CSN3: variants seen among roughly 807,000 people sequenced by gnomAD.
The protein encoded by CSN3 is kappa-casein.
Under a neutral mutation model 9.9 loss-of-function variants are expected in CSN3, and 7 were observed. The ratio of observed to expected loss-of-function variants is 0.71; its 90% CI spans 0.40 to 1.33. The LOEUF (loss-of-function observed/expected upper bound fraction) is 1.33, where lower values mean the gene tolerates loss of function less well. Ranked by LOEUF, CSN3 falls within the 40% of genes most tolerant of loss-of-function variation. CSN3 has a pLI of 0.01. For synonymous variants in CSN3, 88 were observed against 82.3 expected (o/e 1.07, Z -0.37); for missense variants, 253 against 227.9 (o/e 1.11, Z -0.71).
intron 1 of CSN3, among the ~76,000 whole-genome samples, chr4:70,243,597 G>A (rs3775749): frequency 0.11 from 17,227 of 151,868 alleles, 1,287 homozygotes; most frequent in East Asian, 0.27. Flanking sequence ...TCTTTTTTGC[G>A]AAGTTCAACT....
At chr4:70,246,959 T>A (rs1354896196) in intron 2 of CSN3, among the ~76,000 whole-genome samples, 1 of 152,058 alleles carries the variant, frequency 6.6e-6, no homozygotes, top group African/African-American at 2.4e-5. Context: ...GGGTGAGACA[T>A]GTGCCCGGCC....
chr4:70,243,681 T>G, intron 1 of CSN3, among the ~76,000 whole-genome samples: 1 of 152,112 alleles, frequency 6.6e-6, no homozygotes, highest in South Asian at 2.1e-4. Flanking sequence ...AATTACTTCC[T>G]AAACATAATA....
At chr4:70,249,591 T>C in intron 4 of CSN3, 98 bp downstream of exon 4, 1 of 774,134 alleles carries the variant, frequency 1.3e-6, no homozygotes, top group Non-Finnish European at 2.0e-6. Context: ...ATAAACTAAG[T>C]GTGTTACAGA....
chr4:70,240,445 T>G (rs1192014657), upstream of CSN3, among the ~76,000 whole-genome samples: 1 of 151,922 alleles, frequency 6.6e-6, no homozygotes, highest in Non-Finnish European at 1.5e-5. Context: ...TGTTGATGGA[T>G]GCATAAGTAG....
chr4:70,244,306 C>A (rs974232521), intron 1 of CSN3, among the ~76,000 whole-genome samples: 3 of 151,962 alleles, frequency 2.0e-5, no homozygotes, highest in African/African-American at 7.2e-5. Context: ...ATGTTCATGG[C>A]GATTCTCAAG....
chr4:70,249,650 A>T (rs1181974093), intron 4 of CSN3, among the ~76,000 whole-genome samples, 157 bp downstream of exon 4: 1 of 152,230 alleles, frequency 6.6e-6, no homozygotes, highest in Non-Finnish European at 1.5e-5. Context: ...AACCCATAGC[A>T]TTGATACACC....
At position 70,249,102 on chromosome 4, in the gene CSN3, A is replaced by G. The variant is rs1418054184; in HGVS notation, c.192A>G (p.Gln64=). Reference sequence around the variant, plus strand: ...CTTATTATGGAACCAATTTGTACCAACGTAGACCAGCTATAGCAATTAATA... The same window carrying G: ...CTTATTATGGAACCAATTTGTACCAGCGTAGACCAGCTATAGCAATTAATA... The change falls in exon 4 of 5, where the codon CAA becomes CAG. Residue 64 remains glutamine (Q), a synonymous_variant. Coordinates refer to ENST00000304954, the Ensembl canonical transcript of CSN3. The G allele has an allele frequency of 6.8e-6, 11 of 1,613,946 alleles. No individual in the cohort carries two copies. The African/African-American group carries it at 1.3e-4, about 20-fold the overall frequency.
At chr4:70,249,636 G>A in intron 4 of CSN3, 143 bp downstream of exon 4, 1 of 592,228 alleles carries the variant, frequency 1.7e-6, no homozygotes, top group Non-Finnish European at 2.9e-6. Context: ...GTTTTACCTT[G>A]GTAAACCCAT....
At chr4:70,247,980 T>C (rs1730413208) in intron 3 of CSN3, 130 bp downstream of exon 3, 3 of 585,422 alleles carry the variant, frequency 5.1e-6, no homozygotes, top group Admixed American at 3.9e-5. Flanking sequence ...TCTAATAATA[T>C]TTGCAAGAAA....
intron 1 of CSN3, 53 bp downstream of exon 1, chr4:70,242,718 G>T (rs1730297353): frequency 6.6e-6 from 1 of 152,042 alleles, no homozygotes; most frequent in Admixed American, 6.6e-5. Context: ...GTAGTTAGTT[G>T]GGACATCACC....
intron 2 of CSN3, among the ~76,000 whole-genome samples, chr4:70,246,707 G>C (rs919036520): frequency 1.5e-5 from 2 of 132,522 alleles, no homozygotes; most frequent in Non-Finnish European, 3.2e-5. Context: ...AGTCTCGCTT[G>C]GTCGCCCAGG....
chr4:70,240,835 G>A (rs1342700433), upstream of CSN3, among the ~76,000 whole-genome samples: 1 of 151,874 alleles, frequency 6.6e-6, no homozygotes, highest in Non-Finnish European at 1.5e-5. Flanking sequence ...ATAATGTCCA[G>A]GACCTGAAAT....
intron 1 of CSN3, among the ~76,000 whole-genome samples, chr4:70,243,446 A>G (rs1394428942): frequency 2.0e-5 from 3 of 152,062 alleles, no homozygotes; most frequent in African/African-American, 7.2e-5. Flanking sequence ...AGTTCCATCG[A>G]ATGGAAATTT....
chr4:70,244,088 G>T (rs1380780909), intron 1 of CSN3, among the ~76,000 whole-genome samples: 2 of 152,044 alleles, frequency 1.3e-5, no homozygotes, highest in African/African-American at 4.8e-5. Context: ...AAGTTACAGA[G>T]GTAGAGATAA....
At chr4:70,243,135 C>T (rs886995060) in intron 1 of CSN3, 88 of 908,444 alleles carry the variant, frequency 9.7e-5, no homozygotes, top group Non-Finnish European at 1.0e-4. Flanking sequence ...TACCATTTCA[C>T]GAATTATTTC....
chr4:70,247,686 T>C, intron 2 of CSN3, 132 bp from the exon 3 acceptor site: 1 of 753,758 alleles, frequency 1.3e-6, no homozygotes, highest in Non-Finnish European at 2.1e-6. Flanking sequence ...AGATCACTCA[T>C]GAAAAATGTT....
chr4:70,249,112 G>C, exon 4 of CSN3: 1 of 1,613,952 alleles, frequency 6.2e-7, no homozygotes, highest in Non-Finnish European at 8.5e-7. Context: ...ACGTAGACCA[G>C]CTATAGCAAT....
At chr4:70,249,418 C>G (rs774296649) in exon 4 of CSN3, 2 of 1,613,936 alleles carry the variant, frequency 1.2e-6, no homozygotes, top group East Asian at 2.2e-5. Flanking sequence ...CACGAGCACC[C>G]CTGAGACAAC....
chr4:70,245,914 T>C (rs1434936947), intron 2 of CSN3, among the ~76,000 whole-genome samples: 1 of 152,168 alleles, frequency 6.6e-6, no homozygotes, highest in Non-Finnish European at 1.5e-5. Context: ...GGTTGTCTCT[T>C]TGAGTAATAG....
Sources: allele counts gnomAD v4.1 joint callset (sites outside exome capture counted in the v4.1 genomes callset), GRCh38; gene constraint gnomAD v4.1.1; transcripts MANE v1.5; gene names NCBI Gene and HGNC (gene_info 2026-07-23, HGNC 2026-07-21).